The following ATAD2 variants were observed in gnomAD, a reference collection of about 807,000 sequenced individuals.
ATAD2 encodes ATPase family AAA domain containing 2.
A neutral mutation model predicts 168.9 loss-of-function variants in ATAD2; 62 were observed. The observed-to-expected ratio is 0.37, with a 90% CI of 0.30 to 0.45. The LOEUF (loss-of-function observed/expected upper bound fraction) is 0.45. Ranked by LOEUF, ATAD2 falls within the 20% of genes least tolerant of loss-of-function variation. The pLI, the probability that ATAD2 is intolerant of heterozygous loss-of-function variation, is 1.00. For synonymous variants in ATAD2, 613 were observed against 571.6 expected, an observed-to-expected ratio of 1.07 and a Z score of -1.03; for missense variants, 1,419 against 1,667.8, an observed-to-expected ratio of 0.85 and a Z score of 2.60.
chr8:123,371,162 GA>G, intron 5 of ATAD2, 73 bp downstream of exon 5: 1 of 1,252,662 alleles, frequency 8.0e-7, no homozygotes, highest in Non-Finnish European at 1.1e-6. Flanking sequence ...GATATTTAAT[GA>G]AAAATGGATT....
chr8:123,386,813 T>A (rs1829658385), intron 1 of ATAD2, among the ~76,000 whole-genome samples: 1 of 151,876 alleles, frequency 6.6e-6, no homozygotes, highest in African/African-American at 2.4e-5. Flanking sequence ...TGGAAGACAA[T>A]CTTATAAGTG....
chr8:123,406,553 G>A (rs1297498857), intron 1 of ATAD2, among the ~76,000 whole-genome samples: 1 of 151,574 alleles, frequency 6.6e-6, no homozygotes, highest in Non-Finnish European at 1.5e-5. Flanking sequence ...GGGTGTGGTG[G>A]CTTTAGCCCT....
In ATAD2 at chr8:123,339,365, CA is replaced by C; in HGVS notation, c.2799del (p.Phe933LeufsTer4). On this transcript the variant is annotated frameshift_variant, in exon 20 of 28. Transcript: ENST00000287394. LOFTEE classifies it high-confidence loss of function. The part of the protein sequence containing the change: ...LPDKEERTKF[F>X]EDLILKQAAK... ...GCAGCTTGTTTTAGAATTAAATCTTCAAAAAATTTTGTCCGTTCTTCTTTAT... is the reference window on the plus strand; with the variant it reads ...GCAGCTTGTTTTAGAATTAAATCTTCAAAAATTTTGTCCGTTCTTCTTTAT... The C allele has an allele frequency of 1.2e-6, 2 of 1,601,394 alleles. No homozygotes were observed. Among genetic ancestry groups the C allele is most frequent in the Admixed American group, 1.7e-5 (1 of 58,826 alleles).
rs551249891 is a variant in ATAD2, at chr8:123,331,607, A to C, written c.3478+2271T>G. Among the ~76,000 whole-genome samples the C allele has an allele frequency of 1.4e-4, 21 of 152,328 alleles. No individual in the cohort carries two copies. The South Asian group carries it at 4.1e-3, about 30-fold the overall frequency. ...TTGTCTTGAAAGGGCAGGGTACTACAGCTGCAGACCTCAATCTATGTTACA... is the reference window on the plus strand; with the variant it reads ...TTGTCTTGAAAGGGCAGGGTACTACCGCTGCAGACCTCAATCTATGTTACA... On this transcript the variant is annotated intron_variant, in intron 24 of 27. Transcript: ENST00000287394.
rs781704693 is a variant in ATAD2 at position 123,396,374 on chromosome 8, C to A, written c.-17G>T. 17 of 1,553,472 alleles carry A rather than the reference C, an allele frequency of 1.1e-5. No homozygotes were observed. In the Admixed American group the frequency reaches 3.1e-4, roughly 28 times the overall value. ...AACCACCATCTTCTCTCCCTACTGGCCTCGGCGTGCGCGACCGGAGAGAGA... is the reference window on the plus strand; with the variant it reads ...AACCACCATCTTCTCTCCCTACTGGACTCGGCGTGCGCGACCGGAGAGAGA... On this transcript the variant is annotated 5_prime_UTR_variant, in exon 1 of 28. Transcript: ENST00000287394.
chr8:123,369,240 G>GCC, intron 7 of ATAD2, 65 bp from the exon 8 acceptor site: 2 of 636,564 alleles, frequency 3.1e-6, no homozygotes, highest in Non-Finnish European at 2.1e-6. Context: ...AAATATGTAT[G>GCC]AAGATAATTT....
chr8:123,366,244 C>A (rs75207378), intron 8 of ATAD2, among the ~76,000 whole-genome samples: 1 of 152,066 alleles, frequency 6.6e-6, no homozygotes, highest in Non-Finnish European at 1.5e-5. Flanking sequence ...GCAAAAATGG[C>A]TATAATCAAA....
rs367730823 is a variant in ATAD2 at position 123,345,097 on chromosome 8, A to G, written c.2533-28T>C. 1.9e-6 allele frequency: 3 copies of G among 1,555,912 alleles called. No homozygotes were observed. In the Admixed American group the frequency reaches 5.4e-5, roughly 28 times the overall value. The stretch of plus-strand genomic sequence containing the variant: ...AGTAGAGAGAGAACAAAACAAATTC[A>G]GTTAGAGTCAGCACGTTAATAATGC... On this transcript the variant is annotated intron_variant, in intron 18 of 27. Transcript: ENST00000287394.
chr8:123,379,722 C>CCAGCTAT (rs1829434570), intron 2 of ATAD2, among the ~76,000 whole-genome samples: 1 of 151,228 alleles, frequency 6.6e-6, no homozygotes, highest in African/African-American at 2.4e-5. Context: ...GCCACTATGC[C>CCAGCTAT]CAGCTATATT....
In ATAD2 at chr8:123,323,024, T is replaced by C; in HGVS notation, c.4045A>G (p.Ile1349Val). 6.2e-7 allele frequency: 1 copy of C among 1,612,572 alleles called. No individual in the cohort carries two copies. The highest frequency in any genetic ancestry group is 1.1e-5 in the South Asian group (1 of 90,964). ...TVVKKSQNYN[I>V]FQLENLYAVI... ...GCATACAAATTTTCCAACTGAAATA[T>C]GTTGTAGTTTTGACTTTTTTTAACA... is the stretch of plus-strand genomic sequence containing the variant. Residue 1349 changes from isoleucine to valine, a missense_variant, in exon 27 of 28, where the codon ATA becomes GTA. Physicochemically the swap from Ile to Val is conservative, Grantham distance 29. This residue lies in a region of ATAD2 where 303 missense variants were observed against 304.3 expected (regional missense o/e 1.00). Coordinates refer to ENST00000287394, the MANE Select transcript of ATAD2 (RefSeq NM_014109.4).
chr8:123,369,927 A>G lies in ATAD2; in HGVS notation c.825T>C (p.Asp275=), dbSNP rs149531312. The change falls in exon 7 of 28, where the codon GAT becomes GAC. Residue 275 remains aspartate (D), a synonymous_variant. Coordinates refer to ENST00000287394, the MANE Select transcript of ATAD2 (RefSeq NM_014109.4). ...DDDDDDDDDD[D]DDEDDEDEED... is the part of the protein sequence containing the mutation. The stretch of plus-strand genomic sequence containing the variant: ...CTTCATCTTCATCATCTTCATCATC[A>G]TCATCATCATCATCATCGTCATCAT... 7 of 1,564,740 alleles carry G rather than the reference A, an allele frequency of 4.5e-6. No individual in the cohort carries two copies. The highest frequency in any genetic ancestry group is 1.7e-4 in the Middle Eastern group (1 of 5,988).
intron 2 of ATAD2, among the ~76,000 whole-genome samples, chr8:123,379,877 T>C (rs1017450991): frequency 1.1e-4 from 14 of 129,162 alleles, no homozygotes; most frequent in African/African-American, 3.7e-4. Context: ...CACGTATTAT[T>C]ATTATTATTA....
chr8:123,360,735 C>A (rs1828789235), intron 9 of ATAD2, among the ~76,000 whole-genome samples: 1 of 151,790 alleles, frequency 6.6e-6, no homozygotes, highest in East Asian at 1.9e-4. Context: ...AAAAAAGAAT[C>A]CAAGCACCTA....
intron 2 of ATAD2, among the ~76,000 whole-genome samples, chr8:123,379,920 CTT>C (rs967410112): frequency 7.0e-6 from 1 of 142,802 alleles, no homozygotes; most frequent in African/African-American, 2.6e-5. Context: ...GAGTTTCGCT[CTT>C]GTTGTCCAGG....
chr8:123,400,982 G>A (rs1285255852), upstream of ATAD2: 10 of 1,452,572 alleles, frequency 6.9e-6, no homozygotes, highest in Admixed American at 5.0e-5. The surrounding 1 kb of genome is among the most constrained non-coding windows in gnomAD (Gnocchi z 4.5). Flanking sequence ...GCCACGATGC[G>A]GCATGGCTTC....
chr8:123,369,860 G>T lies in ATAD2; in HGVS notation c.892C>A (p.Gln298Lys). 1 of 1,611,982 alleles carries T rather than the reference G, an allele frequency of 6.2e-7. No homozygotes were observed. Among genetic ancestry groups the T allele is most frequent in the Non-Finnish European group, 8.5e-7 (1 of 1,179,408 alleles). ...EENQKRYYLR[Q>K]RKATVYYQAP... ...TGATAGTAAACAGTAGCTTTTCTCT[G>T]TCTAAGATAATATCGCTTCTGATTC... Residue 298 changes from glutamine to lysine, a missense_variant, in exon 7 of 28, where the codon CAG becomes AAG. Physicochemically the swap from Gln to Lys is moderately conservative, Grantham distance 53. This residue lies in a region of ATAD2 where 419 missense variants were observed against 423.5 expected (regional missense o/e 0.99). Coordinates refer to ENST00000287394, the MANE Select transcript of ATAD2 (RefSeq NM_014109.4).
rs1434704162 is a variant in ATAD2, at chr8:123,336,605, G to A, written c.3052-73C>T. ...ACATGTGAGTCAAGTTTCGATGCCA[G>A]GCAATATAGGAGATAGAGAATAAAT... On this transcript the variant is annotated intron_variant, in intron 21 of 27. Transcript: ENST00000287394. 4 of 1,136,024 alleles carry A rather than the reference G, an allele frequency of 3.5e-6. No homozygotes were observed. The African/African-American group carries it at 4.8e-5, about 14-fold the overall frequency. 70.4% of individuals were successfully genotyped at this position (1,136,024 alleles called of 1,614,324 possible).
chr8:123,391,659 G>A (rs568816711), intron 1 of ATAD2, among the ~76,000 whole-genome samples: 8 of 152,110 alleles, frequency 5.3e-5, no homozygotes, highest in Non-Finnish European at 1.2e-4. Flanking sequence ...TATAATCAGG[G>A]TGATCAGGGA....
chr8:123,321,683 C>T (rs1434593011), intron 27 of ATAD2, among the ~76,000 whole-genome samples: 1 of 151,952 alleles, frequency 6.6e-6, no homozygotes, highest in African/African-American at 2.4e-5. Flanking sequence ...CTGTTAATGC[C>T]AGCACTTTGG....
Sources: gnomAD v4.1 joint callset for allele counts (sites outside exome capture counted in the v4.1 genomes callset) on GRCh38, gnomAD v4.1.1 for gene constraint, gnomAD v4.1.1 regional missense constraint, Gnocchi (gnomAD v3.1) non-coding constraint, MANE v1.5 for transcripts, NCBI Gene and HGNC (gene_info 2026-07-23, HGNC 2026-07-21) for gene names.